The following SPATA6 variants were observed in gnomAD, a reference collection of about 807,000 sequenced individuals.
The protein encoded by SPATA6 is spermatogenesis-associated protein 6.
Under a neutral mutation model 65.3 loss-of-function variants are expected in SPATA6, and 56 were observed. That is an observed-to-expected ratio of 0.86 (90% CI 0.69 to 1.07). The LOEUF (loss-of-function observed/expected upper bound fraction) is 1.07, where lower values mean the gene tolerates loss of function less well. Ranked by LOEUF, SPATA6 falls within the 50% of genes least tolerant of loss-of-function variation. The pLI is 0.00. For missense variants in SPATA6, 590 were observed against 594.8 expected (o/e 0.99, Z 0.08); for synonymous variants, 199 against 213.2 (o/e 0.93, Z 0.58).
intron 9 of SPATA6, among the ~76,000 whole-genome samples, chr1:48,376,846 G>C (rs912516351): frequency 6.6e-6 from 1 of 152,104 alleles, no homozygotes; most frequent in African/African-American, 2.4e-5. Context: ...TTACTGTACT[G>C]AATGCTGTAA....
At chr1:48,371,039 AC>A (rs896873684) in intron 9 of SPATA6, among the ~76,000 whole-genome samples, 2 of 152,206 alleles carry the variant, frequency 1.3e-5, no homozygotes, top group Admixed American at 6.5e-5. Flanking sequence ...ATTATAGGCC[AC>A]CCTCAATTGT....
intron 1 of SPATA6, among the ~76,000 whole-genome samples, chr1:48,468,724 A>T (rs2148208058): frequency 6.6e-6 from 1 of 152,310 alleles, no homozygotes; most frequent in South Asian, 2.1e-4. Flanking sequence ...AAAAAAAAAT[A>T]GAACTGCTCT....
intron 11 of SPATA6, among the ~76,000 whole-genome samples, chr1:48,340,596 T>TA (rs1194558461): frequency 2.0e-5 from 3 of 150,434 alleles, no homozygotes; most frequent in Non-Finnish European, 4.4e-5. Flanking sequence ...AAGTTAGAAA[T>TA]AAAAAAAGAA....
chr1:48,451,357 C>T (rs1656554135), intron 3 of SPATA6, among the ~76,000 whole-genome samples, 195 bp downstream of exon 3: 1 of 152,152 alleles, frequency 6.6e-6, no homozygotes, highest in East Asian at 1.9e-4. Flanking sequence ...TTCTCAGCCT[C>T]TCTGCAGCAT....
chr1:48,359,860 C>T, intron 9 of SPATA6, 90 bp from the exon 10 acceptor site: 1 of 947,134 alleles, frequency 1.1e-6, no homozygotes, highest in Non-Finnish European at 1.5e-6. Context: ...GCATAGTAGT[C>T]ATATGCATGT....
chr1:48,416,188 C>T (rs961682052), intron 3 of SPATA6, among the ~76,000 whole-genome samples: 1 of 152,028 alleles, frequency 6.6e-6, no homozygotes, highest in African/African-American at 2.4e-5. Context: ...GGTGAAGCAG[C>T]GAGACTCTCT....
At chr1:48,393,225 C>T (rs1346489102) in intron 8 of SPATA6, 1 of 152,110 alleles carries the variant, frequency 6.6e-6, no homozygotes, top group African/African-American at 2.4e-5. Flanking sequence ...GTAAAATTAA[C>T]ATCCCCAGTA....
At chr1:48,339,686 A>G (rs1319707804) in intron 11 of SPATA6, among the ~76,000 whole-genome samples, 1 of 152,102 alleles carries the variant, frequency 6.6e-6, no homozygotes, top group African/African-American at 2.4e-5. Context: ...AGACAAGATT[A>G]GTGAACTATA....
intron 1 of SPATA6, among the ~76,000 whole-genome samples, chr1:48,457,540 A>G (rs1409972229): frequency 6.6e-6 from 1 of 152,254 alleles, no homozygotes; most frequent in Admixed American, 6.5e-5. Flanking sequence ...AATCTTCAGT[A>G]AGATTAACGG....
chr1:48,312,113 T>A (rs1645233510), intron 11 of SPATA6, among the ~76,000 whole-genome samples: 1 of 152,102 alleles, frequency 6.6e-6, no homozygotes, highest in African/African-American at 2.4e-5. Flanking sequence ...GAGGCCTGCC[T>A]CCCACTGTAG....
At chr1:48,440,037 G>A (rs937029641) in intron 3 of SPATA6, among the ~76,000 whole-genome samples, 1 of 152,130 alleles carries the variant, frequency 6.6e-6, no homozygotes, top group Non-Finnish European at 1.5e-5. Context: ...CATCCCACAA[G>A]AGGACCTCTC....
the SPATA6 span, among the ~76,000 whole-genome samples, chr1:48,267,942 G>A: frequency 5.9e-5 from 9 of 151,634 alleles, no homozygotes; most frequent in East Asian, 7.8e-4. Context: ...TAGTAGAGAC[G>A]GGGTTTCACC....
chr1:48,329,591 G>A lies in SPATA6; in HGVS notation c.1195-23713C>T, dbSNP rs1301204973. On this transcript the variant is annotated intron_variant, in intron 11 of 12. Coordinates refer to ENST00000371847, the MANE Select transcript of SPATA6 (RefSeq NM_019073.4). ...TCTATACTTGTGTTTAAAAGTGGGC[G>A]GGGCCAATATGGCAGACTAGAAGCA... Among the ~76,000 whole-genome samples the A allele has an allele frequency of 5.9e-5, 9 of 152,300 alleles. No individual in the cohort carries two copies. The South Asian group carries it at 8.3e-4, about 14-fold the overall frequency.
At chr1:48,301,440 A>C (rs1644935763) in intron 12 of SPATA6, among the ~76,000 whole-genome samples, 1 of 152,020 alleles carries the variant, frequency 6.6e-6, no homozygotes, top group South Asian at 2.1e-4. Context: ...ATACTACCCA[A>C]AGCAATCTAG....
chr1:48,471,296 C>T (rs932158195), intron 1 of SPATA6, among the ~76,000 whole-genome samples: 1 of 152,132 alleles, frequency 6.6e-6, no homozygotes, highest in Non-Finnish European at 1.5e-5. Flanking sequence ...ATAAAAATGA[C>T]TGGGCCTTTC....
At chr1:48,347,535 GTAAT>G (rs202055540) in intron 11 of SPATA6, among the ~76,000 whole-genome samples, 1,990 of 146,088 alleles carry the variant, frequency 0.014, 41 homozygotes, top group South Asian at 0.051. Flanking sequence ...ATTAATTATA[GTAAT>G]TAATTATATA....
intron 11 of SPATA6, among the ~76,000 whole-genome samples, chr1:48,351,949 T>C (rs2148796292): frequency 6.6e-6 from 1 of 152,212 alleles, no homozygotes; most frequent in East Asian, 1.9e-4. Flanking sequence ...ATTTCTTTAA[T>C]AGATATACAA....
chr1:48,433,858 T>C (rs1654629586), intron 3 of SPATA6, among the ~76,000 whole-genome samples: 1 of 152,108 alleles, frequency 6.6e-6, no homozygotes, highest in Non-Finnish European at 1.5e-5. Context: ...AGACTTTACC[T>C]GATATTCCAG....
chr1:48,366,029 T>A (rs1450623895), intron 9 of SPATA6, among the ~76,000 whole-genome samples: 1 of 152,218 alleles, frequency 6.6e-6, no homozygotes, highest in Non-Finnish European at 1.5e-5. Context: ...ATCAAAGTCT[T>A]TTTCTGCATC....
Sources: gnomAD v4.1 joint callset for allele counts (sites outside exome capture counted in the v4.1 genomes callset) on GRCh38, gnomAD v4.1.1 for gene constraint, MANE v1.5 for transcripts, NCBI Gene and HGNC (gene_info 2026-07-23, HGNC 2026-07-21) for gene names.